The following RANBP2 variants were observed in gnomAD, a reference collection of about 807,000 sequenced individuals.
The protein encoded by RANBP2 is RAN binding protein 2.
In RANBP2, 57 loss-of-function variants were observed where a neutral mutation model predicts 303.6. The ratio of observed to expected loss-of-function variants is 0.19; its 90% confidence interval spans 0.15 to 0.23. The LOEUF is 0.23. Among genes scored for constraint, RANBP2 ranks in the 10% least tolerant of loss-of-function variants. RANBP2 has a pLI of 1.00. For missense variants in RANBP2, 3,138 were observed against 3,780.8 expected, an observed-to-expected ratio of 0.83 and a Z score of 4.46; for synonymous variants, 1,167 against 1,301.5, an observed-to-expected ratio of 0.90 and a Z score of 2.23.
chr2:108,773,148 A>G lies in RANBP2; in HGVS notation c.8292+102A>G, dbSNP rs1677629799. Reference sequence around the variant, plus strand: ...TTATTTATTTTTGAGACAGAATTTTACTCTTGTTGCCCAGGCTGGAGTGCA... The same window carrying G: ...TTATTTATTTTTGAGACAGAATTTTGCTCTTGTTGCCCAGGCTGGAGTGCA... On this transcript the variant is annotated intron_variant, in intron 23 of 28. Coordinates refer to ENST00000283195, the MANE Select transcript of RANBP2 (RefSeq NM_006267.5). The G allele has an allele frequency of 1.0e-5, 13 of 1,294,810 alleles. No homozygotes were observed. The South Asian group carries it at 1.7e-4, about 17-fold the overall frequency. The allele number at this position is 1,294,810 out of a possible 1,614,324, so 80.2% of individuals were successfully genotyped here.
the RANBP2 span, among the ~76,000 whole-genome samples, chr2:109,640,738 G>C: frequency 6.6e-6 from 1 of 152,150 alleles, no homozygotes; most frequent in East Asian, 1.9e-4. Context: ...CCTGGGCTCT[G>C]TCTTCCTTCT....
the RANBP2 span, among the ~76,000 whole-genome samples, chr2:109,636,123 C>T: frequency 3.6e-3 from 551 of 152,338 alleles, 2 homozygotes; most frequent in Non-Finnish European, 4.0e-3. Context: ...TTACCAGACA[C>T]TGAACCTGCT....
At chr2:108,749,907 T>C (rs1418686732) in intron 9 of RANBP2, among the ~76,000 whole-genome samples, 1 of 152,046 alleles carries the variant, frequency 6.6e-6, no homozygotes, top group African/African-American at 2.4e-5. Context: ...CCCAGCACTT[T>C]GGGAGGCCGA....
At chr2:109,284,790 G>C in the RANBP2 span, among the ~76,000 whole-genome samples, 1 of 152,148 alleles carries the variant, frequency 6.6e-6, no homozygotes, top group South Asian at 2.1e-4. Flanking sequence ...TGTGCTTAAG[G>C]ATGTGTGGCC....
the RANBP2 span, among the ~76,000 whole-genome samples, chr2:109,565,567 G>A: frequency 1.1e-4 from 17 of 152,224 alleles, no homozygotes; most frequent in African/African-American, 2.4e-4. Context: ...CCGTGGGGGC[G>A]GGGGTAATGT....
the RANBP2 span, among the ~76,000 whole-genome samples, chr2:109,702,801 A>G: frequency 1.3e-5 from 1 of 76,016 alleles, no homozygotes; most frequent in African/African-American, 3.4e-5. Context: ...GTTCTGAATC[A>G]GTCTTTTTTT....
chr2:109,164,193 T>A, the RANBP2 span, among the ~76,000 whole-genome samples: 1 of 152,150 alleles, frequency 6.6e-6, no homozygotes, highest in Non-Finnish European at 1.5e-5. Flanking sequence ...TTACTTTTTT[T>A]AAAGAGTTGG....
chr2:108,974,329 CAAAAAAAAA>C, the RANBP2 span, among the ~76,000 whole-genome samples: 13 of 61,496 alleles, frequency 2.1e-4, no homozygotes, highest in Non-Finnish European at 2.7e-4. Flanking sequence ...GGATCCGTCT[CAAAAAAAAA>C]AAAAAAAAAA....
the RANBP2 span, among the ~76,000 whole-genome samples, chr2:109,361,520 C>G: frequency 6.6e-6 from 1 of 152,180 alleles, no homozygotes; most frequent in African/African-American, 2.4e-5. Flanking sequence ...GTCACCCAGG[C>G]TGGAGTGCAG....
chr2:109,304,979 T>G, the RANBP2 span, among the ~76,000 whole-genome samples: 1 of 152,176 alleles, frequency 6.6e-6, no homozygotes, highest in Non-Finnish European at 1.5e-5. Flanking sequence ...TAGGAATGTT[T>G]AATGTGTGTT....
the RANBP2 span, among the ~76,000 whole-genome samples, chr2:109,575,479 C>T: frequency 1.3e-5 from 2 of 152,206 alleles, no homozygotes; most frequent in Admixed American, 6.5e-5. Flanking sequence ...ACTCAGGTAA[C>T]TCCTCCCTGG....
At chr2:108,920,980 G>A in the RANBP2 span, among the ~76,000 whole-genome samples, 23 of 152,220 alleles carry the variant, frequency 1.5e-4, no homozygotes, top group Admixed American at 3.3e-4. Flanking sequence ...ATAACCTACC[G>A]TAGTGGTTCC....
the RANBP2 span, among the ~76,000 whole-genome samples, chr2:109,425,964 C>T: frequency 6.6e-6 from 1 of 152,122 alleles, no homozygotes; most frequent in Non-Finnish European, 1.5e-5. Flanking sequence ...GTGGCATGAT[C>T]TTGGCTCACT....
the RANBP2 span, among the ~76,000 whole-genome samples, chr2:109,195,781 T>C: frequency 6.6e-6 from 1 of 152,218 alleles, no homozygotes; most frequent in Non-Finnish European, 1.5e-5. Context: ...CTGTGGGTAA[T>C]TGGGCTTCTC....
chr2:109,541,982 GTTGCT>G, the RANBP2 span, among the ~76,000 whole-genome samples: 1 of 152,148 alleles, frequency 6.6e-6, no homozygotes, highest in Non-Finnish European at 1.5e-5. Flanking sequence ...TTTTCCTTGT[GTTGCT>G]TTGAAGTTCA....
At chr2:108,821,130 G>A in the RANBP2 span, among the ~76,000 whole-genome samples, 1 of 151,882 alleles carries the variant, frequency 6.6e-6, no homozygotes, top group African/African-American at 2.4e-5. Flanking sequence ...GGCTAAGGTA[G>A]GTGGATCACC....
the RANBP2 span, among the ~76,000 whole-genome samples, chr2:109,344,976 G>C: frequency 1.3e-5 from 2 of 152,180 alleles, no homozygotes; most frequent in African/African-American, 4.8e-5. Context: ...GCTGGGGTCT[G>C]CATCAGTGAA....
the RANBP2 span, among the ~76,000 whole-genome samples, chr2:109,370,508 T>C: frequency 6.6e-6 from 1 of 152,068 alleles, no homozygotes; most frequent in Admixed American, 6.5e-5. Flanking sequence ...CAAAGTGCTG[T>C]GATTACAGGC....
chr2:109,545,897 A>C, the RANBP2 span: 1 of 1,446,276 alleles, frequency 6.9e-7, no homozygotes, highest in Non-Finnish European at 9.2e-7. Flanking sequence ...AGTGAACAAG[A>C]GGGACAAGGT....
Sources: gnomAD v4.1 joint callset for allele counts (sites outside exome capture counted in the v4.1 genomes callset) on GRCh38, gnomAD v4.1.1 for gene constraint, MANE v1.5 for transcripts, NCBI Gene and HGNC (gene_info 2026-07-23, HGNC 2026-07-21) for gene names.